The following SRRM4 variants were observed in gnomAD, a reference collection of about 807,000 sequenced individuals.
SRRM4 encodes the protein serine/arginine repetitive matrix protein 4.
SRRM4 carries 33 observed loss-of-function variants against 68.9 expected under a neutral mutation model. The observed-to-expected ratio is 0.48, with a 90% CI of 0.36 to 0.64. The LOEUF (loss-of-function observed/expected upper bound fraction) is 0.64. Ranked by LOEUF, SRRM4 falls within the 30% of genes least tolerant of loss-of-function variation. The pLI, the probability that SRRM4 is intolerant of heterozygous loss-of-function variation, is 0.00. For missense variants in SRRM4, 817 were observed against 827.1 expected (o/e 0.99, Z 0.15); for synonymous variants, 318 against 318.8 (o/e 1.00, Z 0.03).
chr12:119,078,672 C>A (rs182608685), intron 1 of SRRM4, among the ~76,000 whole-genome samples: 8 of 152,290 alleles, frequency 5.3e-5, no homozygotes, highest in African/African-American at 9.6e-5. Flanking sequence ...GTAATCCCAG[C>A]ACTTTGGGAG....
At chr12:118,992,790 C>A (rs774543642) in intron 1 of SRRM4, among the ~76,000 whole-genome samples, 4 of 152,140 alleles carry the variant, frequency 2.6e-5, no homozygotes, top group Non-Finnish European at 5.9e-5. Context: ...GATGGGGAGA[C>A]TGAGGCACAG....
chr12:119,039,857 A>T (rs1034340955), intron 1 of SRRM4, among the ~76,000 whole-genome samples: 3 of 152,070 alleles, frequency 2.0e-5, no homozygotes, highest in Admixed American at 6.6e-5. Context: ...GAAGAGAGAG[A>T]GAGAGAGAGC....
At chr12:119,152,789 C>T (rs2136069478) in intron 10 of SRRM4, among the ~76,000 whole-genome samples, 1 of 152,296 alleles carries the variant, frequency 6.6e-6, no homozygotes, top group African/African-American at 2.4e-5. Context: ...AGAGCTATTC[C>T]TGCCCCTGTT....
At chr12:119,086,275 G>T (rs570495880) in intron 1 of SRRM4, among the ~76,000 whole-genome samples, 1 of 152,266 alleles carries the variant, frequency 6.6e-6, no homozygotes, top group South Asian at 2.1e-4. Flanking sequence ...TAAAAATATG[G>T]CTATGAATAT....
intron 8 of SRRM4, among the ~76,000 whole-genome samples, chr12:119,137,609 AG>A (rs1225599208): frequency 4.6e-5 from 7 of 151,054 alleles, no homozygotes; most frequent in Non-Finnish European, 8.9e-5. Flanking sequence ...AGAGAGAGAG[AG>A]AGAGAGAGAG....
intron 1 of SRRM4, among the ~76,000 whole-genome samples, chr12:119,070,217 GAA>G (rs35318757): frequency 0.28 from 40,054 of 145,396 alleles, 5,614 homozygotes; most frequent in East Asian, 0.44. Context: ...ACACAGGTGA[GAA>G]AAAAAAAAAA....
rs1399105838 is a variant in SRRM4 at position 119,146,719 on chromosome 12, G to A, written c.1076+1034G>A. 3.3e-5 allele frequency among the ~76,000 whole-genome samples: 5 copies of A among 152,150 alleles called. No individual in the cohort carries two copies. In the East Asian group the frequency reaches 7.8e-4, roughly 24 times the overall value. On this transcript the variant is annotated intron_variant, in intron 9 of 12. Coordinates refer to ENST00000267260, the MANE Select transcript of SRRM4 (RefSeq NM_194286.4). The stretch of plus-strand genomic sequence containing the variant: ...TGGGAGGCCGAGGCGGGTGGATCAC[G>A]AGGTCAGGAGATCGAGACCATCCTG...
chr12:119,049,361 G>A (rs537565854), intron 1 of SRRM4, among the ~76,000 whole-genome samples: 1 of 152,316 alleles, frequency 6.6e-6, no homozygotes, highest in African/African-American at 2.4e-5. Context: ...TGTCATTGGA[G>A]CAATTTGAGA....
intron 1 of SRRM4, among the ~76,000 whole-genome samples, chr12:119,062,442 T>A (rs1358363094): frequency 6.6e-6 from 1 of 152,250 alleles, no homozygotes; most frequent in Non-Finnish European, 1.5e-5. Flanking sequence ...CTTTTTGGGC[T>A]GTATAAACTT....
rs138773735 is a variant in SRRM4 at position 119,073,287 on chromosome 12, GTC to G, written c.132-28945_132-28944del. 6.2e-3 allele frequency among the ~76,000 whole-genome samples: 919 copies of G among 147,786 alleles called. 11 individuals carry two copies. The highest frequency in any genetic ancestry group is 0.022 in the African/African-American group (882 of 39,958). On this transcript the variant is annotated intron_variant, in intron 1 of 12. Coordinates refer to ENST00000267260, the MANE Select transcript of SRRM4 (RefSeq NM_194286.4). ...TGAACAAGTGACATAACTTCTTGGA[GTC>G]TCTATTTCTCTCTCTCTCTCCTCTT...
chr12:119,076,332 A>G (rs529018237), intron 1 of SRRM4, among the ~76,000 whole-genome samples: 2 of 152,234 alleles, frequency 1.3e-5, no homozygotes, highest in African/African-American at 2.4e-5. Context: ...ACAGATGGAA[A>G]AAAAAATGGC....
intron 9 of SRRM4, among the ~76,000 whole-genome samples, chr12:119,146,318 G>C (rs1246241217): frequency 6.6e-6 from 1 of 152,180 alleles, no homozygotes; most frequent in Non-Finnish European, 1.5e-5. Context: ...CAGGCGTGGT[G>C]GCTCACACCT....
At chr12:119,128,795 C>G (rs1331165364) in intron 7 of SRRM4, among the ~76,000 whole-genome samples, 1 of 152,202 alleles carries the variant, frequency 6.6e-6, no homozygotes, top group Non-Finnish European at 1.5e-5. Context: ...CTGGCCTGGG[C>G]CAGAGAATCA....
intron 1 of SRRM4, among the ~76,000 whole-genome samples, chr12:119,038,463 G>A (rs987514677): frequency 3.3e-5 from 5 of 151,990 alleles, no homozygotes; most frequent in Non-Finnish European, 7.4e-5. Context: ...CACCCACCTC[G>A]GCCTCCCAAA....
At chr12:119,153,401 C>T (rs764331166) in intron 10 of SRRM4, 138 bp from the exon 11 acceptor site, 3 of 607,074 alleles carry the variant, frequency 4.9e-6, no homozygotes, top group African/African-American at 3.7e-5. Flanking sequence ...ATTCTTTGAT[C>T]GGGGCCCAGT....
intron 1 of SRRM4, among the ~76,000 whole-genome samples, chr12:119,042,296 G>A (rs1464286042): frequency 6.6e-6 from 1 of 151,908 alleles, no homozygotes; most frequent in Non-Finnish European, 1.5e-5. Context: ...GAGAGGAAAG[G>A]AGGAGGGGTC....
chr12:119,077,471 T>C (rs1034841115), intron 1 of SRRM4, among the ~76,000 whole-genome samples: 2 of 152,164 alleles, frequency 1.3e-5, no homozygotes, highest in African/African-American at 4.8e-5. Flanking sequence ...ATCTGTAAGG[T>C]GGGAAATTAA....
chr12:119,125,284 C>T (rs767817327), intron 6 of SRRM4, 97 bp from the exon 7 acceptor site: 27 of 1,147,762 alleles, frequency 2.4e-5, no homozygotes, highest in Non-Finnish European at 3.3e-5. Flanking sequence ...GTGACCAGTG[C>T]AAAGGAAAAA....
intron 4 of SRRM4, 88 bp from the exon 5 acceptor site, chr12:119,120,162 T>C: frequency 2.7e-6 from 2 of 743,942 alleles, no homozygotes; most frequent in South Asian, 1.6e-5. Context: ...CTTCTCTCCC[T>C]CTCTCCATCT....
Sources: gnomAD v4.1 joint callset for allele counts (sites outside exome capture counted in the v4.1 genomes callset) on GRCh38, gnomAD v4.1.1 for gene constraint, MANE v1.5 for transcripts, NCBI Gene and HGNC (gene_info 2026-07-23, HGNC 2026-07-21) for gene names.